The following SH3D19 variants were observed in gnomAD, a reference collection of about 807,000 sequenced individuals.
SH3D19 encodes the protein SH3 domain-containing protein 19.
In SH3D19, 58 loss-of-function variants were observed where a neutral mutation model predicts 112.1. The ratio of observed to expected loss-of-function variants is 0.52; its 90% CI spans 0.42 to 0.64. The LOEUF is 0.64. Among genes scored for constraint, SH3D19 ranks in the 30% least tolerant of loss-of-function variants. The probability of loss-of-function intolerance (pLI) is 0.00; values close to 1 mark genes in which losing one functional copy is unlikely to be tolerated. For synonymous variants in SH3D19, 391 were observed against 448.5 expected (o/e 0.87, Z 1.62); for missense variants, 1,090 against 1,263.4 (o/e 0.86, Z 2.08).
At chr4:151,134,478 AC>A (rs2039946438) in intron 15 of SH3D19, among the ~76,000 whole-genome samples, 1 of 152,226 alleles carries the variant, frequency 6.6e-6, no homozygotes, top group Admixed American at 6.5e-5. Context: ...ACAAAAACAT[AC>A]AAAATGTCTA....
At chr4:151,281,148 G>C (rs1004884394) in intron 1 of SH3D19, among the ~76,000 whole-genome samples, 2 of 152,138 alleles carry the variant, frequency 1.3e-5, no homozygotes, top group Admixed American at 6.5e-5. Flanking sequence ...GAACAAGAGA[G>C]CAGAGGGCTC....
chr4:151,150,359 A>C (rs1273023323), intron 9 of SH3D19, among the ~76,000 whole-genome samples: 2 of 147,738 alleles, frequency 1.4e-5, no homozygotes, highest in East Asian at 3.9e-4. Flanking sequence ...ATATATATAC[A>C]TGCTCTTTAT....
At chr4:151,149,656 G>T in intron 9 of SH3D19, 95 bp from the exon 10 acceptor site, 2 of 1,049,602 alleles carry the variant, frequency 1.9e-6, no homozygotes, top group African/African-American at 3.2e-5. Context: ...GGATCTACAA[G>T]TAGAAATGCA....
chr4:151,125,715 G>A (rs1349604190), intron 19 of SH3D19, among the ~76,000 whole-genome samples: 1 of 151,466 alleles, frequency 6.6e-6, no homozygotes, highest in Non-Finnish European at 1.5e-5. Context: ...AGTCAGGTGT[G>A]GTGGTGTGTG....
At chr4:151,200,224 A>G (rs1764199717) in intron 2 of SH3D19, among the ~76,000 whole-genome samples, 1 of 143,282 alleles carries the variant, frequency 7.0e-6, no homozygotes, top group Non-Finnish European at 1.5e-5. Context: ...TAACACATAC[A>G]TACATACATA....
intron 1 of SH3D19, among the ~76,000 whole-genome samples, chr4:151,228,259 C>T (rs1328078371): frequency 6.6e-6 from 1 of 152,088 alleles, no homozygotes; most frequent in African/African-American, 2.4e-5. Flanking sequence ...ATACGCAGTA[C>T]TTATAAAATG....
chr4:151,147,915 A>C lies in SH3D19; in HGVS notation c.2082+7T>G, dbSNP rs1400391600. 14 of 1,586,684 alleles carry C rather than the reference A, an allele frequency of 8.8e-6. No individual in the cohort carries two copies. The highest frequency in any genetic ancestry group is 1.2e-5 in the Non-Finnish European group (14 of 1,168,870). On this transcript the variant is annotated splice_region_variant and intron_variant, in intron 11 of 19. Transcript: ENST00000604030. ...TGACCACAAACATTTTTAAAAGCTA[A>C]ATTTACCATGTATTTACTGTAGAGA...
intron 1 of SH3D19, among the ~76,000 whole-genome samples, chr4:151,237,276 A>G (rs1770168969): frequency 6.6e-6 from 1 of 152,218 alleles, no homozygotes; most frequent in South Asian, 2.1e-4. Context: ...TTCGGACATA[A>G]GGTCACAAAC....
chr4:151,154,860 C>T (rs1447423398), intron 9 of SH3D19, among the ~76,000 whole-genome samples: 1 of 152,126 alleles, frequency 6.6e-6, no homozygotes, highest in African/African-American at 2.4e-5. Flanking sequence ...TGAGTTCAGG[C>T]GATTCTCCTG....
chr4:151,231,512 A>T (rs2149956905), intron 1 of SH3D19, among the ~76,000 whole-genome samples: 1 of 152,274 alleles, frequency 6.6e-6, no homozygotes, highest in African/African-American at 2.4e-5. Flanking sequence ...ATTTTTATTT[A>T]CATTTGAGAT....
intron 1 of SH3D19, among the ~76,000 whole-genome samples, chr4:151,288,727 ATAATC>A (rs1326220139): frequency 2.0e-5 from 3 of 151,936 alleles, no homozygotes; most frequent in Non-Finnish European, 4.4e-5. Flanking sequence ...GTTGCAATGA[ATAATC>A]TAAGGAAACA....
chr4:151,132,416 C>A, intron 16 of SH3D19, 33 bp from the exon 17 acceptor site: 1 of 1,600,056 alleles, frequency 6.2e-7, no homozygotes, highest in South Asian at 1.1e-5. Flanking sequence ...CACAAGAAGT[C>A]AGAACATTAG....
At chr4:151,236,308 C>T (rs368943490) in intron 1 of SH3D19, among the ~76,000 whole-genome samples, 9 of 152,252 alleles carry the variant, frequency 5.9e-5, no homozygotes, top group Non-Finnish European at 1.0e-4. Flanking sequence ...GCGTGGGTTC[C>T]GCGGGCCCCG....
chr4:151,129,559 G>A (rs867355749), intron 17 of SH3D19, among the ~76,000 whole-genome samples: 39 of 152,138 alleles, frequency 2.6e-4, no homozygotes, highest in Middle Eastern at 6.8e-3. Context: ...TAGTAGAGAC[G>A]GGGTTTCACC....
intron 2 of SH3D19, among the ~76,000 whole-genome samples, chr4:151,207,197 G>A (rs1765247114): frequency 6.6e-6 from 1 of 152,100 alleles, no homozygotes; most frequent in Admixed American, 6.6e-5. Flanking sequence ...TAGTAGCAGT[G>A]CATCACCACC....
At chr4:151,157,781 T>C (rs759202559) in intron 9 of SH3D19, among the ~76,000 whole-genome samples, 3 of 152,200 alleles carry the variant, frequency 2.0e-5, no homozygotes, top group Non-Finnish European at 4.4e-5. Context: ...ATCCTGTCAT[T>C]TGTGGCAACA....
chr4:151,226,010 G>T (rs1444661479), intron 2 of SH3D19, 37 bp downstream of exon 2: 14 of 1,208,226 alleles, frequency 1.2e-5, no homozygotes, highest in Non-Finnish European at 1.4e-5. Flanking sequence ...CAAATAAGAA[G>T]CTTTATACAG....
intron 1 of SH3D19, among the ~76,000 whole-genome samples, chr4:151,241,829 G>A (rs757907755): frequency 1.5e-4 from 23 of 151,960 alleles, no homozygotes; most frequent in Non-Finnish European, 2.9e-4. Context: ...AGAAGTATAA[G>A]ACTATATGAA....
intron 7 of SH3D19, chr4:151,170,847 T>C (rs1758913807): frequency 6.6e-6 from 1 of 152,240 alleles, no homozygotes; most frequent in South Asian, 2.1e-4. Context: ...CCCTGTTCTC[T>C]CCTATCCAGT....
Sources: allele counts gnomAD v4.1 joint callset (sites outside exome capture counted in the v4.1 genomes callset), GRCh38; gene constraint gnomAD v4.1.1; transcripts MANE v1.5; gene names NCBI Gene and HGNC (gene_info 2026-07-23, HGNC 2026-07-21).